DIAPH2: variants seen among roughly 807,000 people sequenced by gnomAD.
DIAPH2 encodes protein diaphanous homolog 2.
In DIAPH2, 35 loss-of-function variants were observed where a neutral mutation model predicts 92.7. The ratio of observed to expected loss-of-function variants is 0.38; its 90% CI spans 0.29 to 0.50. The LOEUF is 0.50. Among genes scored for constraint, DIAPH2 ranks in the 20% least tolerant of loss-of-function variants. The pLI, the probability that DIAPH2 is intolerant of heterozygous loss-of-function variation, is 0.94. For synonymous variants in DIAPH2, 301 were observed against 280.4 expected, an observed-to-expected ratio of 1.07 and a Z score of -0.73; for missense variants, 701 against 819.5, an observed-to-expected ratio of 0.86 and a Z score of 1.77.
At chrX:97,140,126 T>G (rs1158108145) in intron 21 of DIAPH2, among the ~76,000 whole-genome samples, 1 of 111,902 alleles carries the variant, frequency 8.9e-6, no homozygotes, top group African/African-American at 3.2e-5. Flanking sequence ...ACCTGCAATT[T>G]TTTCTAAGCA....
intron 17 of DIAPH2, among the ~76,000 whole-genome samples, chrX:97,046,049 G>A (rs1320299597): frequency 9.3e-6 from 1 of 107,781 alleles, no homozygotes; most frequent in East Asian, 2.9e-4. Flanking sequence ...GAAGAGACAG[G>A]GTTTTGTCAT....
chrX:97,210,354 T>A (rs2067830408), intron 22 of DIAPH2, among the ~76,000 whole-genome samples: 1 of 112,119 alleles, frequency 8.9e-6, no homozygotes, highest in Admixed American at 9.5e-5. Flanking sequence ...TATCAGGAAA[T>A]CACTTCTTAA....
intron 26 of DIAPH2, among the ~76,000 whole-genome samples, chrX:97,572,480 T>C (rs1284828620): frequency 8.9e-6 from 1 of 111,846 alleles, no homozygotes; most frequent in African/African-American, 3.2e-5. Context: ...CAAAATAGTC[T>C]GTTTCATAGA....
intron 26 of DIAPH2, among the ~76,000 whole-genome samples, chrX:97,548,092 C>T (rs766322443): frequency 1.1e-4 from 12 of 112,002 alleles, no homozygotes; most frequent in Admixed American, 1.9e-4. Context: ...CAAGTTCATG[C>T]TCTAATATCT....
chrX:97,037,250 T>C (rs1287969483), intron 17 of DIAPH2, among the ~76,000 whole-genome samples: 2 of 111,602 alleles, frequency 1.8e-5, no homozygotes, highest in Non-Finnish European at 3.8e-5. Context: ...TACTTTACTG[T>C]AGTACAGCTG....
At chrX:97,185,502 T>C (rs1332786058) in intron 22 of DIAPH2, among the ~76,000 whole-genome samples, 4 of 59,429 alleles carry the variant, frequency 6.7e-5, no homozygotes, top group African/African-American at 2.5e-4. Flanking sequence ...TATATATATA[T>C]ATATATATAT....
At chrX:97,191,377 GC>G (rs1324760177) in intron 22 of DIAPH2, among the ~76,000 whole-genome samples, 1 of 110,962 alleles carries the variant, frequency 9.0e-6, no homozygotes, top group African/African-American at 3.3e-5. Flanking sequence ...TGGCCTTTTG[GC>G]TAAGATCAAG....
At chrX:97,590,230 C>T (rs929104137) in intron 26 of DIAPH2, among the ~76,000 whole-genome samples, 6 of 111,734 alleles carry the variant, frequency 5.4e-5, no homozygotes, top group African/African-American at 2.0e-4. Context: ...ATTTCTGCCT[C>T]ACTGCTGAAA....
At chrX:97,516,179 C>T (rs1193354661) in intron 26 of DIAPH2, among the ~76,000 whole-genome samples, 1 of 109,708 alleles carries the variant, frequency 9.1e-6, no homozygotes, top group Non-Finnish European at 1.9e-5. Flanking sequence ...CGCTGGAACC[C>T]GGAAGGTGGA....
chrX:96,701,356 A>G (rs760381503), intron 1 of DIAPH2, among the ~76,000 whole-genome samples: 58 of 111,772 alleles, frequency 5.2e-4, no homozygotes, highest in Non-Finnish European at 9.2e-4. Context: ...AAAGTAGTAA[A>G]TTCTATAATA....
intron 26 of DIAPH2, among the ~76,000 whole-genome samples, chrX:97,468,116 G>C (rs752500120): frequency 3.5e-4 from 39 of 111,977 alleles, no homozygotes; most frequent in African/African-American, 1.2e-3. Flanking sequence ...TTTCTACTTA[G>C]GATTTTTCCA....
chrX:97,023,154 A>C (rs1214114469), intron 17 of DIAPH2, among the ~76,000 whole-genome samples: 1 of 111,311 alleles, frequency 9.0e-6, no homozygotes, highest in Non-Finnish European at 1.9e-5. Flanking sequence ...AGTAGTTTGA[A>C]ATTATTTATT....
chrX:96,719,033 TGTTAAG>T (rs747828063), intron 1 of DIAPH2, among the ~76,000 whole-genome samples: 3 of 112,300 alleles, frequency 2.7e-5, no homozygotes, highest in Non-Finnish European at 5.6e-5. Context: ...TGATCAATGA[TGTTAAG>T]CACCTTTTCA....
In DIAPH2 at chrX:97,601,392, T is replaced by C. The variant is rs910158924; in HGVS notation, c.*2075T>C. ...AACAAGAACGAATGAAGTACTATTA[T>C]TGATAACTTATATATTTTTATTTAG... On this transcript the variant is annotated 3_prime_UTR_variant, in exon 27 of 27. Transcript: ENST00000324765. 5 of 109,440 alleles carry C rather than the reference T, an allele frequency of 4.6e-5. No individual in the cohort carries two copies. Among genetic ancestry groups the C allele is most frequent in the Non-Finnish European group, 9.7e-5 (5 of 51,756 alleles). The allele number at this position is 109,440 out of a possible 1,213,427, so 9.0% of individuals were successfully genotyped here.
At position 96,768,956 on chromosome X, in the gene DIAPH2, C is replaced by T. The variant is rs147290844; in HGVS notation, c.447+10698C>T. On this transcript the variant is annotated intron_variant, in intron 4 of 26. Coordinates refer to ENST00000324765, the MANE Select transcript of DIAPH2 (RefSeq NM_006729.5). ...CCCTGGAAGGGTTTGAGCCGTGGAA[C>T]GACAAAATCCAAGGTGTATTTGGGG... Among the ~76,000 whole-genome samples, 453 of 111,360 alleles carry T rather than the reference C, an allele frequency of 4.1e-3. 2 individuals are homozygous for T. The highest frequency in any genetic ancestry group is 6.4e-3 in the Non-Finnish European group (337 of 53,042).
At position 97,200,699 on chromosome X, in the gene DIAPH2, C is replaced by T. The variant is rs915150603; in HGVS notation, c.2720-47016C>T. Among the ~76,000 whole-genome samples, 3 of 111,889 alleles carry T rather than the reference C, an allele frequency of 2.7e-5. No individual in the cohort carries two copies. In the Admixed American group the frequency reaches 2.8e-4, roughly 11 times the overall value. On this transcript the variant is annotated intron_variant, in intron 22 of 26. Coordinates refer to ENST00000324765, the MANE Select transcript of DIAPH2 (RefSeq NM_006729.5). ...ACTCTCATCTTCCTGGGACAGAGCA[C>T]CTGTGGGGAGGGGCAGCTGCAGGCG...
chrX:96,832,620 T>C (rs776243171), intron 4 of DIAPH2, among the ~76,000 whole-genome samples: 30 of 111,512 alleles, frequency 2.7e-4, no homozygotes, highest in Admixed American at 9.6e-4. Context: ...AAAATATTTT[T>C]ATATCATTTT....
chrX:96,710,819 C>G (rs2063913279), intron 1 of DIAPH2, among the ~76,000 whole-genome samples: 1 of 111,462 alleles, frequency 9.0e-6, no homozygotes, highest in African/African-American at 3.3e-5. Context: ...GCAGTTTACA[C>G]TGTACCCAAT....
At chrX:97,274,507 C>CAA (rs34298005) in intron 23 of DIAPH2, among the ~76,000 whole-genome samples, 66 of 91,083 alleles carry the variant, frequency 7.2e-4, no homozygotes, top group African/African-American at 1.8e-3. Flanking sequence ...GACTCCATCT[C>CAA]AAAAAAAAAA....
Sources: allele counts gnomAD v4.1 joint callset (sites outside exome capture counted in the v4.1 genomes callset), GRCh38; gene constraint gnomAD v4.1.1; transcripts MANE v1.5; gene names NCBI Gene and HGNC (gene_info 2026-07-23, HGNC 2026-07-21).